HSPB8: variants seen among roughly 807,000 people sequenced by gnomAD.
The protein encoded by HSPB8 is heat shock protein beta-8.
Under a neutral mutation model 16.5 loss-of-function variants are expected in HSPB8, and 9 were observed. That is an observed-to-expected ratio of 0.55 (90% CI 0.33 to 0.95). The LOEUF is 0.95. Among genes scored for constraint, HSPB8 ranks in the 40% least tolerant of loss-of-function variants. The pLI, the probability that HSPB8 is intolerant of heterozygous loss-of-function variation, is 0.03. For missense variants in HSPB8, 238 were observed against 251.2 expected (o/e 0.95, Z 0.35); for synonymous variants, 99 against 94.8 (o/e 1.04, Z -0.26).
intron 2 of HSPB8, among the ~76,000 whole-genome samples, chr12:119,187,984 G>A (rs1415331263): frequency 6.6e-6 from 1 of 152,152 alleles, no homozygotes; most frequent in East Asian, 1.9e-4. Flanking sequence ...GAGGGGAGTA[G>A]AAGGGATTCA....
chr12:119,186,231 C>T (rs1393962379), intron 1 of HSPB8, among the ~76,000 whole-genome samples: 2 of 152,202 alleles, frequency 1.3e-5, no homozygotes, highest in Non-Finnish European at 2.9e-5. Context: ...GGTTAAGAGG[C>T]GAGAGGTCTG....
At chr12:119,189,726 T>C (rs532044230) in intron 2 of HSPB8, among the ~76,000 whole-genome samples, 3 of 152,268 alleles carry the variant, frequency 2.0e-5, no homozygotes, top group African/African-American at 7.2e-5. Flanking sequence ...TGAAGCCTGG[T>C]TCCTAACAGG....
chr12:119,187,130 G>A, intron 2 of HSPB8, 42 bp downstream of exon 2: 2 of 1,518,126 alleles, frequency 1.3e-6, no homozygotes, highest in Middle Eastern at 1.7e-4. Context: ...GGGAGTGGAG[G>A]AGGGGGCACA....
At chr12:119,186,856 G>T (rs1954679305) in intron 1 of HSPB8, 169 bp from the exon 2 acceptor site, 1 of 685,542 alleles carries the variant, frequency 1.5e-6, no homozygotes, top group African/African-American at 1.8e-5. Context: ...GACTTAGGTG[G>T]GTCTGTATGG....
Position 119,183,463 on chromosome 12 carries a change from C to T in HSPB8, c.368-3562C>T, listed in dbSNP as rs191888008. Among the ~76,000 whole-genome samples, 517 of 152,276 alleles carry T rather than the reference C, an allele frequency of 3.4e-3. 8 individuals carry two copies. Among genetic ancestry groups the T allele is most frequent in the Admixed American group, 0.031 (477 of 15,302 alleles). On this transcript the variant is annotated intron_variant, in intron 1 of 2. Transcript: ENST00000281938. Reference sequence around the variant, plus strand: ...CTGCCTTCCCTGGAAACAGCACTTTCTTTCTTTAGCTGGGCCAATAGTGTT... The same window carrying T: ...CTGCCTTCCCTGGAAACAGCACTTTTTTTCTTTAGCTGGGCCAATAGTGTT...
chr12:119,182,460 G>A lies in HSPB8; in HGVS notation c.367+2781G>A, dbSNP rs368177109. 3.8e-4 allele frequency among the ~76,000 whole-genome samples: 58 copies of A among 152,024 alleles called. No individual in the cohort carries two copies. The East Asian group carries it at 8.8e-3, about 23-fold the overall frequency. ...CTGAGACCAGTCTGGTCAACATGGCGAAACCCCGTTCTACTAAAAATACAA... is the reference window on the plus strand; with the variant it reads ...CTGAGACCAGTCTGGTCAACATGGCAAAACCCCGTTCTACTAAAAATACAA... On this transcript the variant is annotated intron_variant, in intron 1 of 2. Transcript: ENST00000281938.
intron 1 of HSPB8, among the ~76,000 whole-genome samples, chr12:119,185,202 C>T (rs1231014661): frequency 6.6e-6 from 1 of 151,710 alleles, no homozygotes; most frequent in African/African-American, 2.4e-5. Flanking sequence ...GTTGCCCAGG[C>T]TGGAGTGCAG....
chr12:119,185,180 A>T (rs1592929970), intron 1 of HSPB8, among the ~76,000 whole-genome samples: 1 of 151,694 alleles, frequency 6.6e-6, no homozygotes, highest in East Asian at 1.9e-4. Flanking sequence ...TTTAGAGACC[A>T]GATCTCACTC....
At chr12:119,191,330 C>T (rs1174316724) in intron 2 of HSPB8, among the ~76,000 whole-genome samples, 7 of 152,194 alleles carry the variant, frequency 4.6e-5, no homozygotes, top group Middle Eastern at 3.2e-3. Context: ...CACCCTGTCA[C>T]ACTGTACCTG....
chr12:119,189,398 G>T (rs1450203260), intron 2 of HSPB8, among the ~76,000 whole-genome samples: 3 of 151,272 alleles, frequency 2.0e-5, no homozygotes, highest in Non-Finnish European at 4.4e-5. Context: ...AACCTGATGA[G>T]AAATGCCTGA....
chr12:119,180,352 T>G (rs1453103498), intron 1 of HSPB8, among the ~76,000 whole-genome samples: 2 of 152,010 alleles, frequency 1.3e-5, no homozygotes, highest in South Asian at 2.1e-4. Flanking sequence ...CACCAAGGAG[T>G]CAGACCCAGG....
intron 1 of HSPB8, chr12:119,183,233 A>G (rs1400305030): frequency 6.6e-6 from 1 of 152,222 alleles, no homozygotes; most frequent in African/African-American, 2.4e-5. Flanking sequence ...TTATCTGACC[A>G]CGTATGAGTG....
At chr12:119,187,280 G>A (rs759972615) in intron 2 of HSPB8, among the ~76,000 whole-genome samples, 192 bp downstream of exon 2, 5 of 152,166 alleles carry the variant, frequency 3.3e-5, no homozygotes, top group African/African-American at 2.4e-5. Flanking sequence ...AGAAGGGGGA[G>A]CACATAGATT....
At chr12:119,181,149 G>C (rs1320600603) in intron 1 of HSPB8, among the ~76,000 whole-genome samples, 1 of 152,232 alleles carries the variant, frequency 6.6e-6, no homozygotes, top group Admixed American at 6.5e-5. Flanking sequence ...TGTGAACCCA[G>C]AAAATCTGAG....
chr12:119,189,302 G>GGT (rs60310566), intron 2 of HSPB8, among the ~76,000 whole-genome samples: 12,927 of 143,138 alleles, frequency 0.09, 607 homozygotes, highest in East Asian at 0.19. Context: ...TCTTAAAAGG[G>GGT]GTGTGTGTGT....
chr12:119,193,111 A>G (rs1954722696), intron 2 of HSPB8, among the ~76,000 whole-genome samples: 1 of 152,214 alleles, frequency 6.6e-6, no homozygotes, highest in African/African-American at 2.4e-5. Flanking sequence ...TATTTTGAAT[A>G]CCATCGAGTA....
At chr12:119,186,096 G>A (rs888804899) in intron 1 of HSPB8, among the ~76,000 whole-genome samples, 1 of 152,188 alleles carries the variant, frequency 6.6e-6, no homozygotes, top group African/African-American at 2.4e-5. Flanking sequence ...AAAAGAATGA[G>A]GAGAGACCGA....
intron 2 of HSPB8, among the ~76,000 whole-genome samples, chr12:119,190,882 C>T (rs765494819): frequency 3.3e-5 from 5 of 152,194 alleles, no homozygotes; most frequent in Non-Finnish European, 5.9e-5. Flanking sequence ...AGAGACATTC[C>T]TTCAGATGTA....
At chr12:119,188,659 G>A (rs560710432) in intron 2 of HSPB8, among the ~76,000 whole-genome samples, 2 of 152,250 alleles carry the variant, frequency 1.3e-5, no homozygotes, top group Non-Finnish European at 2.9e-5. Flanking sequence ...TCCCACAGGT[G>A]AAAGGACATA....
Sources: gnomAD v4.1 joint callset for allele counts (sites outside exome capture counted in the v4.1 genomes callset) on GRCh38, gnomAD v4.1.1 for gene constraint, MANE v1.5 for transcripts, NCBI Gene and HGNC (gene_info 2026-07-23, HGNC 2026-07-21) for gene names.